JAK2: variants seen among roughly 807,000 people sequenced by gnomAD.
JAK2 encodes the protein tyrosine-protein kinase JAK2.
JAK2 carries 86 observed loss-of-function variants against 139.3 expected under a neutral mutation model. That is an observed-to-expected ratio of 0.62 (90% CI 0.52 to 0.74). The LOEUF (loss-of-function observed/expected upper bound fraction) is 0.74. Among genes scored for constraint, JAK2 ranks in the 30% least tolerant of loss-of-function variants. The pLI, the probability that JAK2 is intolerant of heterozygous loss-of-function variation, is 0.00. For synonymous variants in JAK2, 490 were observed against 437.7 expected, an observed-to-expected ratio of 1.12 and a Z score of -1.49; for missense variants, 1,421 against 1,360.3, an observed-to-expected ratio of 1.04 and a Z score of -0.70.
intron 3 of JAK2, 21 bp from the exon 4 acceptor site, chr9:5,029,762 C>T: frequency 6.3e-7 from 1 of 1,593,188 alleles, no homozygotes; most frequent in Non-Finnish European, 8.6e-7. Context: ...TTAATAATTC[C>T]TTTCTCTGCT....
At chr9:4,987,618 C>T (rs938045223) in intron 2 of JAK2, among the ~76,000 whole-genome samples, 1 of 150,516 alleles carries the variant, frequency 6.6e-6, no homozygotes, top group Admixed American at 6.6e-5. Context: ...CACCTGTAAT[C>T]CCAGCTACTC....
chr9:5,049,570 GC>G (rs1363241127), intron 5 of JAK2, among the ~76,000 whole-genome samples: 1 of 152,166 alleles, frequency 6.6e-6, no homozygotes, highest in Non-Finnish European at 1.5e-5. Context: ...TCCTGAAGGA[GC>G]TTTTGTGTGG....
chr9:5,041,052 A>G lies in JAK2; in HGVS notation c.351-3351A>G, dbSNP rs182716485. Reference sequence around the variant, plus strand: ...CCGGTTCTACAAGCAGCTCAGCGCCATAGAGGGCGTCCCTCAGGTCTACTA... The same window carrying G: ...CCGGTTCTACAAGCAGCTCAGCGCCGTAGAGGGCGTCCCTCAGGTCTACTA... On this transcript the variant is annotated intron_variant, in intron 4 of 24. Transcript: ENST00000381652. 2.3e-3 allele frequency: 1,611 copies of G among 686,324 alleles called. 13 individuals carry two copies. Among genetic ancestry groups the G allele is most frequent in the South Asian group, 6.3e-3 (426 of 67,354 alleles). 42.5% of individuals were successfully genotyped at this position (686,324 alleles called of 1,614,324 possible).
chr9:5,107,803 A>G (rs1018768628), intron 22 of JAK2: 1 of 152,128 alleles, frequency 6.6e-6, no homozygotes, highest in Non-Finnish European at 1.5e-5. Context: ...TTACTCTAGC[A>G]TCTATAATAC....
chr9:5,070,070 C>T lies in JAK2; in HGVS notation c.1641+18C>T. On this transcript the variant is annotated intron_variant, in intron 12 of 24. Coordinates refer to ENST00000381652, the MANE Select transcript of JAK2 (RefSeq NM_004972.4). ...TGATATTTGTAAGTCATTAGATACT[C>T]ATTACTGTCTTTTTTGTCCTTTTAA... is the stretch of plus-strand genomic sequence containing the variant. The T allele has an allele frequency of 6.4e-7, 1 of 1,566,660 alleles. No individual in the cohort carries two copies. Among genetic ancestry groups the T allele is most frequent in the Admixed American group, 1.8e-5 (1 of 56,550 alleles).
At chr9:5,001,620 C>T (rs1820932009) in intron 2 of JAK2, among the ~76,000 whole-genome samples, 1 of 143,922 alleles carries the variant, frequency 6.9e-6, no homozygotes, top group African/African-American at 2.6e-5. Context: ...AAACATTTGC[C>T]TGTAATTTTT....
intron 4 of JAK2, among the ~76,000 whole-genome samples, chr9:5,036,666 A>C (rs1166017611): frequency 6.6e-6 from 1 of 152,232 alleles, no homozygotes; most frequent in Non-Finnish European, 1.5e-5. Flanking sequence ...CATGTGTAGA[A>C]AGCTGAAACT....
intron 12 of JAK2, 94 bp from the exon 13 acceptor site, chr9:5,072,398 T>C (rs1819014753): frequency 1.1e-6 from 1 of 893,310 alleles, no homozygotes; most frequent in Admixed American, 3.2e-5. Flanking sequence ...TGCTTATGGA[T>C]TTAAAAAAAT....
At chr9:5,043,215 G>T (rs547661387) in intron 4 of JAK2, among the ~76,000 whole-genome samples, 2 of 152,364 alleles carry the variant, frequency 1.3e-5, no homozygotes, top group Non-Finnish European at 1.5e-5. Flanking sequence ...AGTGCCCAGG[G>T]CGGTGGCCGT....
At chr9:5,111,891 G>C (rs924209341) in intron 22 of JAK2, 3 of 360,712 alleles carry the variant, frequency 8.3e-6, no homozygotes, top group Non-Finnish European at 1.6e-5. Context: ...GCAGCTCTGG[G>C]GACGCCCTCG....
rs1333595169 is a variant in JAK2 at position 5,128,176 on chromosome 9, T to C, written c.*1385T>C. ...TTTTGATTAAAAAGAAAATAGTTTC[T>C]TACTTTATTTTTACTGGTATGTTCT... On this transcript the variant is annotated 3_prime_UTR_variant, in exon 25 of 25. Transcript: ENST00000381652. 1 of 232,148 alleles carries C rather than the reference T, an allele frequency of 4.3e-6. No individual in the cohort carries two copies. The highest frequency in any genetic ancestry group is 8.5e-6 in the Non-Finnish European group (1 of 117,406). 14.4% of individuals were successfully genotyped at this position (232,148 alleles called of 1,614,324 possible). A position where few individuals can be genotyped will look rare whatever the true frequency, so the allele number is the denominator to read the frequency against.
chr9:5,028,889 T>C (rs966657915), intron 3 of JAK2, among the ~76,000 whole-genome samples: 4 of 152,242 alleles, frequency 2.6e-5, no homozygotes, highest in Non-Finnish European at 5.9e-5. Context: ...TTTGATCTTC[T>C]ATCTAGACCA....
chr9:5,122,906 A>G (rs1275018013), intron 22 of JAK2, 98 bp from the exon 23 acceptor site: 4 of 741,656 alleles, frequency 5.4e-6, no homozygotes, highest in Non-Finnish European at 8.6e-6. Flanking sequence ...TCTTTTCTCT[A>G]CATGTTTTTT....
chr9:5,093,063 T>C (rs565234626), intron 22 of JAK2, among the ~76,000 whole-genome samples: 2 of 152,278 alleles, frequency 1.3e-5, no homozygotes, highest in Non-Finnish European at 2.9e-5. Flanking sequence ...ACTGGTCTAA[T>C]CTATTATTTA....
At chr9:5,081,550 C>T (rs1003280289) in intron 18 of JAK2, among the ~76,000 whole-genome samples, 175 bp from the exon 19 acceptor site, 4 of 152,130 alleles carry the variant, frequency 2.6e-5, no homozygotes, top group Admixed American at 2.0e-4. Context: ...GAAGGCCTGT[C>T]AGATTATGGG....
rs963179897 is a variant in JAK2 at position 5,066,189 on chromosome 9, T to A, written c.1215-489T>A. Among the ~76,000 whole-genome samples the A allele has an allele frequency of 3.3e-5, 5 of 152,248 alleles. No homozygotes were observed. The East Asian group carries it at 9.6e-4, about 29-fold the overall frequency. On this transcript the variant is annotated intron_variant, in intron 9 of 24. Transcript: ENST00000381652. The stretch of plus-strand genomic sequence containing the variant: ...GTGCAGCTTCAGAAAACATAAAAAA[T>A]TTTAAAAACCAGTAGTCTTTGTCAG...
chr9:5,003,103 G>A (rs1319460696), intron 2 of JAK2, among the ~76,000 whole-genome samples: 2 of 151,788 alleles, frequency 1.3e-5, no homozygotes, highest in Non-Finnish European at 3.0e-5. Flanking sequence ...GTTCATTTTT[G>A]TGCTAATACC....
At chr9:5,026,317 G>A (rs186174606) in intron 3 of JAK2, among the ~76,000 whole-genome samples, 11 of 152,122 alleles carry the variant, frequency 7.2e-5, no homozygotes, top group Admixed American at 7.2e-4. Flanking sequence ...TGACTTCTGA[G>A]TTATTTGGAA....
chr9:5,113,009 A>T (rs1822768809), intron 22 of JAK2, among the ~76,000 whole-genome samples: 1 of 152,028 alleles, frequency 6.6e-6, no homozygotes, highest in South Asian at 2.1e-4. Flanking sequence ...TGATGGGGGC[A>T]AGGAAGGTGA....
Sources: gnomAD v4.1 joint callset for allele counts (sites outside exome capture counted in the v4.1 genomes callset) on GRCh38, gnomAD v4.1.1 for gene constraint, MANE v1.5 for transcripts, NCBI Gene and HGNC (gene_info 2026-07-23, HGNC 2026-07-21) for gene names.